The following GRIA3 variants were observed in gnomAD, a reference collection of about 807,000 sequenced individuals.
GRIA3 encodes glutamate ionotropic receptor AMPA type subunit 3.
In GRIA3, 3 loss-of-function variants were observed where a neutral mutation model predicts 63.0. That is an observed-to-expected ratio of 0.05 (90% confidence interval 0.02 to 0.12). GRIA3 has a LOEUF of 0.12. Among genes scored for constraint, GRIA3 ranks in the 10% least tolerant of loss-of-function variants. GRIA3 has a pLI of 1.00. For synonymous variants in GRIA3, 274 were observed against 257.9 expected (o/e 1.06, Z -0.60); for missense variants, 347 against 700.9 (o/e 0.50, Z 5.70).
intron 2 of GRIA3, among the ~76,000 whole-genome samples, chrX:123,207,139 G>GA (rs1197747219): frequency 2.1e-5 from 2 of 94,306 alleles, no homozygotes; most frequent in Admixed American, 2.5e-4. Context: ...CATGGTGGAG[G>GA]AAAATCACCT....
At chrX:123,477,596 A>T in intron 13 of GRIA3, among the ~76,000 whole-genome samples, 1 of 111,892 alleles carries the variant, frequency 8.9e-6, no homozygotes, top group Admixed American at 9.5e-5. Context: ...TTATAAAAAT[A>T]GTTTTGACCT....
intron 12 of GRIA3, among the ~76,000 whole-genome samples, chrX:123,437,116 G>T (rs1359667198): frequency 9.2e-6 from 1 of 108,279 alleles, no homozygotes; most frequent in African/African-American, 3.4e-5. Flanking sequence ...CCTACTAGAT[G>T]ATGTCCTGCA....
intron 3 of GRIA3, among the ~76,000 whole-genome samples, chrX:123,287,098 A>G (rs983478817): frequency 6.3e-5 from 7 of 111,788 alleles, no homozygotes; most frequent in Admixed American, 4.7e-4. Context: ...TGGGATGCAA[A>G]GCTGATTCAA....
rs750710119 is a variant in GRIA3, at chrX:123,243,033, T to C, written c.269-10270T>C. Among the ~76,000 whole-genome samples, 5 of 111,786 alleles carry C rather than the reference T, an allele frequency of 4.5e-5. No individual in the cohort carries two copies. The East Asian group carries it at 1.4e-3, about 32-fold the overall frequency. ...ATACCAATTGTTATAGATATGGAAA[T>C]GAAGCTTGGAGCATCTAAGTAACTA... On this transcript the variant is annotated intron_variant, in intron 2 of 15. Transcript: ENST00000620443.
chrX:123,437,883 T>A (rs1455963631), intron 12 of GRIA3, among the ~76,000 whole-genome samples: 1 of 111,927 alleles, frequency 8.9e-6, no homozygotes, highest in Non-Finnish European at 1.9e-5. Flanking sequence ...GCCGTTGTTA[T>A]AACTGTTTTA....
At chrX:123,228,368 T>C (rs757588440) in intron 2 of GRIA3, among the ~76,000 whole-genome samples, 30 of 111,113 alleles carry the variant, frequency 2.7e-4, no homozygotes, top group Admixed American at 1.1e-3. Flanking sequence ...CCAGGGTTTC[T>C]GGGAGGGCCT....
At chrX:123,467,761 C>CA (rs1603173801) in intron 13 of GRIA3, among the ~76,000 whole-genome samples, 1 of 111,775 alleles carries the variant, frequency 8.9e-6, no homozygotes, top group Admixed American at 9.5e-5. Flanking sequence ...TATAAACAAA[C>CA]AAAAAAATCT....
At chrX:123,262,416 C>G (rs1169347231) in intron 3 of GRIA3, among the ~76,000 whole-genome samples, 1 of 111,655 alleles carries the variant, frequency 9.0e-6, no homozygotes, top group Admixed American at 9.5e-5. Context: ...CTACAATGCA[C>G]AGGACAGTAT....
In GRIA3 at chrX:123,350,301, T is replaced by C. The variant is rs759098514; in HGVS notation, c.697-4609T>C. ...ATCAATCTTTATACATAGATCCTTT[T>C]TTGGCGCTGATGTAGAAAATCCAAA... is the stretch of plus-strand genomic sequence containing the variant. On this transcript the variant is annotated intron_variant, in intron 4 of 15. Transcript: ENST00000620443. Among the ~76,000 whole-genome samples, 45 of 110,627 alleles carry C rather than the reference T, an allele frequency of 4.1e-4. No homozygotes were observed. In the East Asian group the frequency reaches 5.7e-3, roughly 14 times the overall value.
intron 4 of GRIA3, among the ~76,000 whole-genome samples, chrX:123,341,373 C>T (rs1441181482): frequency 9.0e-6 from 1 of 111,469 alleles, no homozygotes; most frequent in African/African-American, 3.3e-5. Flanking sequence ...ATTCTTATTA[C>T]TTTTGGCTTC....
intron 5 of GRIA3, among the ~76,000 whole-genome samples, chrX:123,386,700 T>A (rs1272420880): frequency 8.9e-6 from 1 of 112,181 alleles, no homozygotes; most frequent in African/African-American, 3.2e-5. Flanking sequence ...CCCAGCACCA[T>A]TTATTGAAGA....
chrX:123,382,154 T>TCTAAACA (rs1400393141), intron 5 of GRIA3, among the ~76,000 whole-genome samples: 7 of 112,152 alleles, frequency 6.2e-5, no homozygotes. Flanking sequence ...ACAAGATCTT[T>TCTAAACA]CCTTTCATCT....
At chrX:123,259,016 T>C (rs1436128057) in intron 3 of GRIA3, among the ~76,000 whole-genome samples, 1 of 112,268 alleles carries the variant, frequency 8.9e-6, no homozygotes, top group Non-Finnish European at 1.9e-5. Flanking sequence ...ACAATACTGT[T>C]GCTGAAAGAG....
intron 2 of GRIA3, among the ~76,000 whole-genome samples, chrX:123,251,151 A>G (rs1408194624): frequency 8.9e-6 from 1 of 112,524 alleles, no homozygotes; most frequent in African/African-American, 3.2e-5. Context: ...GCTAAATACT[A>G]TTCTCATTAT....
intron 5 of GRIA3, among the ~76,000 whole-genome samples, chrX:123,359,216 T>G (rs1050317261): frequency 3.6e-5 from 4 of 111,979 alleles, no homozygotes; most frequent in Non-Finnish European, 7.5e-5. Flanking sequence ...AAAACAACTA[T>G]CCCAGCAATT....
chrX:123,354,146 T>C (rs1248497458), intron 4 of GRIA3, among the ~76,000 whole-genome samples: 1 of 111,741 alleles, frequency 8.9e-6, no homozygotes, highest in African/African-American at 3.3e-5. Flanking sequence ...TTCTCAACCT[T>C]AGCACTACTG....
chrX:123,279,683 G>A (rs781266932), intron 3 of GRIA3, among the ~76,000 whole-genome samples: 15 of 110,879 alleles, frequency 1.4e-4, no homozygotes, highest in Non-Finnish European at 2.6e-4. Context: ...AGAAGTAGGC[G>A]GGGAATATTC....
At chrX:123,247,567 G>A (rs1252719176) in intron 2 of GRIA3, among the ~76,000 whole-genome samples, 1 of 111,559 alleles carries the variant, frequency 9.0e-6, no homozygotes, top group African/African-American at 3.3e-5. Flanking sequence ...GGCACTCTTA[G>A]GAGGCAGACA....
At chrX:123,478,229 C>T (rs2045895717) in intron 13 of GRIA3, among the ~76,000 whole-genome samples, 1 of 111,671 alleles carries the variant, frequency 9.0e-6, no homozygotes, top group Non-Finnish European at 1.9e-5. Context: ...TCAGGGCCAT[C>T]GATGGCCTGT....
Sources: allele counts gnomAD v4.1 joint callset (sites outside exome capture counted in the v4.1 genomes callset), GRCh38; gene constraint gnomAD v4.1.1; transcripts MANE v1.5; gene names NCBI Gene and HGNC (gene_info 2026-07-23, HGNC 2026-07-21).